ADGRL3: variants seen among roughly 807,000 people sequenced by gnomAD.
ADGRL3 encodes the protein adhesion G protein-coupled receptor L3, also known as calcium-independent alpha-latrotoxin receptor 3.
Under a neutral mutation model 153.5 loss-of-function variants are expected in ADGRL3, and 62 were observed. That is an observed-to-expected ratio of 0.40 (90% CI 0.33 to 0.50). The LOEUF (loss-of-function observed/expected upper bound fraction) is 0.50, where lower values mean the gene tolerates loss of function less well. ADGRL3 is among the 20% of genes least tolerant of loss of function. ADGRL3 has a pLI of 0.47. For missense variants in ADGRL3, 1,641 were observed against 1,859.4 expected, an observed-to-expected ratio of 0.88 and a Z score of 2.16; for synonymous variants, 710 against 672.5, an observed-to-expected ratio of 1.06 and a Z score of -0.86.
chr4:62,010,817 C>A (rs2099182569), intron 21 of ADGRL3, among the ~76,000 whole-genome samples: 1 of 151,972 alleles, frequency 6.6e-6, no homozygotes, highest in Admixed American at 6.6e-5. Flanking sequence ...GTGAAAGAAT[C>A]CAGTTATGAT....
intron 5 of ADGRL3, among the ~76,000 whole-genome samples, chr4:61,642,709 A>T (rs1258454641): frequency 6.6e-6 from 1 of 152,156 alleles, no homozygotes; most frequent in Non-Finnish European, 1.5e-5. Context: ...TATAGTTTGA[A>T]GTCAGGTAGT....
intron 5 of ADGRL3, among the ~76,000 whole-genome samples, chr4:61,605,694 C>A (rs931336120): frequency 6.6e-6 from 1 of 152,056 alleles, no homozygotes; most frequent in Non-Finnish European, 1.5e-5. Context: ...TACCTTGATA[C>A]AAAAAAGTGC....
At chr4:61,249,564 CAG>C (rs4038773) in intron 1 of ADGRL3, among the ~76,000 whole-genome samples, 113,249 of 151,688 alleles carry the variant, frequency 0.75, 42,417 homozygotes, top group African/African-American at 0.76. Context: ...AGGAAACAAA[CAG>C]AGTGACAAAA....
chr4:61,626,144 T>A (rs1188740841), intron 5 of ADGRL3, among the ~76,000 whole-genome samples: 6 of 151,858 alleles, frequency 4.0e-5, no homozygotes, highest in Non-Finnish European at 5.9e-5. Context: ...AAAAAAAAAA[T>A]TTACTTTTTC....
At chr4:62,019,621 A>G (rs1000491134) in intron 21 of ADGRL3, among the ~76,000 whole-genome samples, 1 of 152,116 alleles carries the variant, frequency 6.6e-6, no homozygotes, top group East Asian at 1.9e-4. Context: ...AGGAATAATT[A>G]TATCTCATTG....
chr4:61,263,471 AAAG>A (rs1170417586), intron 1 of ADGRL3, among the ~76,000 whole-genome samples: 1 of 151,576 alleles, frequency 6.6e-6, no homozygotes, highest in East Asian at 1.9e-4. Context: ...AAAAAAAAAA[AAAG>A]ACCCTGAAAA....
chr4:61,798,452 A>G (rs2097442078), intron 8 of ADGRL3, among the ~76,000 whole-genome samples: 1 of 152,160 alleles, frequency 6.6e-6, no homozygotes, highest in South Asian at 2.1e-4. Flanking sequence ...TGTAGGACTG[A>G]CTGCCATTAA....
chr4:61,893,887 T>C lies in ADGRL3; in HGVS notation c.1783+929T>C, dbSNP rs144099463. On this transcript the variant is annotated intron_variant, in intron 10 of 26. Coordinates refer to ENST00000683033, the MANE Select transcript of ADGRL3 (RefSeq NM_001387552.1). ...CATGCCCGGCTAATTCTTTTTTGTA[T>C]TTTTAGTGGAGACAGGTTTCGCCAT... is the stretch of plus-strand genomic sequence containing the variant. Among the ~76,000 whole-genome samples, 413 of 151,990 alleles carry C rather than the reference T, an allele frequency of 2.7e-3. 5 individuals carry two copies. In the South Asian group the frequency reaches 0.029, roughly 11 times the overall value.
At chr4:62,039,331 C>T (rs1356999735) in intron 24 of ADGRL3, among the ~76,000 whole-genome samples, 1 of 152,066 alleles carries the variant, frequency 6.6e-6, no homozygotes, top group Non-Finnish European at 1.5e-5. Context: ...AATGGATGAC[C>T]AGTGTTTTCA....
chr4:61,866,258 C>G (rs982976085), intron 9 of ADGRL3, among the ~76,000 whole-genome samples: 13 of 152,168 alleles, frequency 8.5e-5, no homozygotes, highest in Non-Finnish European at 1.2e-4. Flanking sequence ...TTCCATGAAT[C>G]CCTTATCATT....
At chr4:61,248,624 G>A (rs1757996091) in intron 1 of ADGRL3, among the ~76,000 whole-genome samples, 1 of 152,126 alleles carries the variant, frequency 6.6e-6, no homozygotes, top group South Asian at 2.1e-4. Context: ...TTTAAAATTA[G>A]CTATCTTATA....
At chr4:61,215,952 A>G (rs1188431161) in intron 1 of ADGRL3, among the ~76,000 whole-genome samples, 1 of 152,076 alleles carries the variant, frequency 6.6e-6, no homozygotes. Context: ...TAACTTCTGT[A>G]GGTCTATTTC....
intron 25 of ADGRL3, among the ~76,000 whole-genome samples, chr4:62,049,041 G>T (rs1400455692): frequency 1.3e-5 from 2 of 151,784 alleles, no homozygotes; most frequent in South Asian, 2.1e-4. Context: ...TATTTGTTAG[G>T]CTTTATGTCA....
chr4:61,371,998 T>C lies in ADGRL3; in HGVS notation c.-239-11126T>C, dbSNP rs371496994. ...CATTCATTTCATCTTCCATCGCTGA[T>C]ACCCTTTCTCCAGTTGATGGTATCG... is the stretch of plus-strand genomic sequence containing the variant. On this transcript the variant is annotated intron_variant, in intron 1 of 26. Coordinates refer to ENST00000683033, the MANE Select transcript of ADGRL3 (RefSeq NM_001387552.1). Among the ~76,000 whole-genome samples the C allele has an allele frequency of 7.1e-4, 108 of 152,320 alleles. 1 individual carries two copies. In the South Asian group the frequency reaches 0.022, roughly 31 times the overall value.
chr4:61,527,950 A>T (rs1240111028), intron 4 of ADGRL3, among the ~76,000 whole-genome samples: 1 of 152,008 alleles, frequency 6.6e-6, no homozygotes, highest in East Asian at 1.9e-4. Context: ...TCGTTCTCTC[A>T]CCACCATGCC....
At chr4:61,426,095 C>T (rs1477741553) in intron 2 of ADGRL3, among the ~76,000 whole-genome samples, 1 of 152,254 alleles carries the variant, frequency 6.6e-6, no homozygotes, top group African/African-American at 2.4e-5. Flanking sequence ...CCTTGAACTA[C>T]AGCCCCACAA....
intron 2 of ADGRL3, among the ~76,000 whole-genome samples, chr4:61,446,354 C>T (rs185590269): frequency 1.3e-5 from 2 of 152,230 alleles, no homozygotes; most frequent in East Asian, 3.9e-4. Flanking sequence ...TATATTTATT[C>T]ATGATTTCAG....
chr4:61,900,169 A>G (rs1182008814), intron 11 of ADGRL3, among the ~76,000 whole-genome samples: 1 of 152,180 alleles, frequency 6.6e-6, no homozygotes, highest in Non-Finnish European at 1.5e-5. Flanking sequence ...TATTATCAGT[A>G]TGTGCTCACT....
At position 61,904,778 on chromosome 4, in the gene ADGRL3, G is replaced by C. The variant is rs548036421; in HGVS notation, c.1888-4782G>C. 2.7e-3 allele frequency among the ~76,000 whole-genome samples: 416 copies of C among 151,928 alleles called. 4 individuals are homozygous for C. Among genetic ancestry groups the C allele is most frequent in the Middle Eastern group, 6.8e-3 (2 of 292 alleles). On this transcript the variant is annotated intron_variant, in intron 11 of 26. Transcript: ENST00000683033. ...AATTTTGCTATTCATAATGATCATC[G>C]ATAGATGTAATTAAAGTCAATACTT... is the stretch of plus-strand genomic sequence containing the variant.
Sources: allele counts gnomAD v4.1 joint callset (sites outside exome capture counted in the v4.1 genomes callset), GRCh38; gene constraint gnomAD v4.1.1; transcripts MANE v1.5; gene names NCBI Gene and HGNC (gene_info 2026-07-23, HGNC 2026-07-21).